ADAMTS16: variants seen among roughly 807,000 people sequenced by gnomAD.
ADAMTS16 encodes the protein ADAM metallopeptidase with thrombospondin type 1 motif 16.
ADAMTS16 carries 94 observed loss-of-function variants against 145.8 expected under a neutral mutation model. The observed-to-expected ratio is 0.64, with a 90% confidence interval of 0.55 to 0.77. The LOEUF (loss-of-function observed/expected upper bound fraction) is 0.77, where lower values mean the gene tolerates loss of function less well. ADAMTS16 is among the 30% of genes least tolerant of loss of function. The pLI is 0.00. For missense variants in ADAMTS16, 1,585 were observed against 1,591.5 expected (o/e 1.00, Z 0.07); for synonymous variants, 659 against 604.3 (o/e 1.09, Z -1.33).
chr5:5,166,843 AAC>A, intron 3 of ADAMTS16, among the ~76,000 whole-genome samples: 1 of 152,218 alleles, frequency 6.6e-6, no homozygotes, highest in East Asian at 1.9e-4. Context: ...TTTTGCAAAG[AAC>A]ACACATGTCA....
chr5:5,287,683 T>C (rs1013126571), intron 18 of ADAMTS16, among the ~76,000 whole-genome samples: 2 of 152,220 alleles, frequency 1.3e-5, no homozygotes, highest in Non-Finnish European at 2.9e-5. Context: ...TCACGGACGG[T>C]GTCAGCTTGC....
intron 10 of ADAMTS16, among the ~76,000 whole-genome samples, chr5:5,210,470 C>G (rs1423653029): frequency 6.6e-6 from 1 of 152,120 alleles, no homozygotes; most frequent in Admixed American, 6.6e-5. Context: ...CAAATGTATT[C>G]TCACATGTTA....
At chr5:5,145,287 A>G (rs989837273) in intron 2 of ADAMTS16, among the ~76,000 whole-genome samples, 1 of 152,230 alleles carries the variant, frequency 6.6e-6, no homozygotes. Context: ...AAACATTGCA[A>G]TACTCAAAGC....
At chr5:5,191,848 C>T in intron 8 of ADAMTS16, 58 bp downstream of exon 8, 1 of 1,304,852 alleles carries the variant, frequency 7.7e-7, no homozygotes, top group Non-Finnish European at 1.1e-6. Flanking sequence ...TGGATGATTT[C>T]CATGGAAATA....
chr5:5,296,353 T>C (rs980938280), intron 18 of ADAMTS16, among the ~76,000 whole-genome samples: 3 of 152,224 alleles, frequency 2.0e-5, no homozygotes, highest in African/African-American at 7.2e-5. Flanking sequence ...AAGCATCTGT[T>C]TTCCTCCGGA....
intron 18 of ADAMTS16, among the ~76,000 whole-genome samples, chr5:5,303,057 C>T (rs2126511213): frequency 6.6e-6 from 1 of 152,236 alleles, no homozygotes; most frequent in East Asian, 1.9e-4. Context: ...GAAAGAATGA[C>T]AGAGCATGAA....
chr5:5,166,913 C>T lies in ADAMTS16; in HGVS notation c.502-15131C>T, dbSNP rs918364690. Among the ~76,000 whole-genome samples the T allele has an allele frequency of 9.9e-5, 15 of 152,202 alleles. 1 individual carries two copies. Among genetic ancestry groups the T allele is most frequent in the South Asian group, 8.3e-4 (4 of 4,830 alleles). On this transcript the variant is annotated intron_variant, in intron 3 of 22. Transcript: ENST00000274181. ...GCATCTCTTCCCTCCGCTGGGCCCACGGCCTTCCCTCCTGTATGCTCACAG... is the reference window on the plus strand; with the variant it reads ...GCATCTCTTCCCTCCGCTGGGCCCATGGCCTTCCCTCCTGTATGCTCACAG...
chr5:5,152,912 G>A (rs988108293), intron 3 of ADAMTS16, among the ~76,000 whole-genome samples: 2 of 152,190 alleles, frequency 1.3e-5, no homozygotes, highest in Non-Finnish European at 2.9e-5. Context: ...CTGGAAGTCT[G>A]TCTTCAATAG....
At chr5:5,233,461 A>C (rs2126372268) in intron 12 of ADAMTS16, among the ~76,000 whole-genome samples, 1 of 152,286 alleles carries the variant, frequency 6.6e-6, no homozygotes, top group African/African-American at 2.4e-5. Context: ...AGTATTCATT[A>C]GTTATTTTTT....
chr5:5,189,015 G>C (rs75120123), intron 6 of ADAMTS16, among the ~76,000 whole-genome samples: 2,948 of 152,256 alleles, frequency 0.019, 90 homozygotes, highest in African/African-American at 0.066. Flanking sequence ...AGAACGCAAG[G>C]CTTGCCCCCG....
chr5:5,153,817 G>A (rs542930468), intron 3 of ADAMTS16, among the ~76,000 whole-genome samples: 1 of 152,278 alleles, frequency 6.6e-6, no homozygotes, highest in African/African-American at 2.4e-5. Flanking sequence ...AAAACATGAT[G>A]TTTGTCAAGG....
intron 3 of ADAMTS16, among the ~76,000 whole-genome samples, chr5:5,172,996 GT>G (rs1471499616): frequency 2.0e-5 from 3 of 151,920 alleles, no homozygotes; most frequent in African/African-American, 7.2e-5. Context: ...TCTTTTTATA[GT>G]TTTTGTCTTG....
Position 5,232,452 on chromosome 5 carries a change from T to A in ADAMTS16, c.1786T>A (p.Ser596Thr). 6.2e-7 allele frequency: 1 copy of A among 1,613,934 alleles called. No homozygotes were observed. The highest frequency in any genetic ancestry group is 8.5e-7 in the Non-Finnish European group (1 of 1,179,978). ...CCACTGGTCGGACTGGTCTTCTTGGTCCCCATGCTCCAGGACCTGCGGAGG... is the reference window on the plus strand; with the variant it reads ...CCACTGGTCGGACTGGTCTTCTTGGACCCCATGCTCCAGGACCTGCGGAGG... ...HGHWSDWSSW[S>T]PCSRTCGGGV... The change falls in exon 12 of 23, where the codon TCC (serine) becomes ACC (threonine). Residue 596 changes from serine (S) to threonine (T), a missense_variant. Physicochemically the swap from Ser to Thr is moderately conservative, Grantham distance 58. This residue lies in a region of ADAMTS16 where 298 missense variants were observed against 367.6 expected (regional missense o/e 0.81). Coordinates refer to ENST00000274181, the MANE Select transcript of ADAMTS16 (RefSeq NM_139056.4).
chr5:5,232,940 C>T (rs953944055), intron 12 of ADAMTS16, among the ~76,000 whole-genome samples: 13 of 152,080 alleles, frequency 8.5e-5, no homozygotes, highest in Admixed American at 2.0e-4. Context: ...TACATATAAT[C>T]GTAAGAAGCA....
At chr5:5,148,900 G>A (rs1317298248) in intron 3 of ADAMTS16, among the ~76,000 whole-genome samples, 1 of 152,090 alleles carries the variant, frequency 6.6e-6, no homozygotes, top group African/African-American at 2.4e-5. Context: ...AGAGGAGGAT[G>A]CCTCTGCGTG....
At chr5:5,243,484 A>G (rs1309475814) in intron 17 of ADAMTS16, among the ~76,000 whole-genome samples, 1 of 152,186 alleles carries the variant, frequency 6.6e-6, no homozygotes, top group East Asian at 1.9e-4. Context: ...TCCTAACCAT[A>G]TGTATTTTTC....
At chr5:5,172,749 T>TA (rs1735075916) in intron 3 of ADAMTS16, among the ~76,000 whole-genome samples, 1 of 152,320 alleles carries the variant, frequency 6.6e-6, no homozygotes, top group East Asian at 1.9e-4. Flanking sequence ...AAATATCTAT[T>TA]AGGTTCATTT....
intron 2 of ADAMTS16, among the ~76,000 whole-genome samples, chr5:5,141,155 A>G (rs1276507929): frequency 6.6e-6 from 1 of 152,010 alleles, no homozygotes; most frequent in Non-Finnish European, 1.5e-5. Flanking sequence ...CCCGTCCCCA[A>G]CCTTTCCTCC....
intron 18 of ADAMTS16, among the ~76,000 whole-genome samples, chr5:5,272,993 T>C (rs968811724): frequency 6.6e-6 from 1 of 152,134 alleles, no homozygotes; most frequent in Non-Finnish European, 1.5e-5. Flanking sequence ...GAAGTAACCA[T>C]GAGGGGCCCT....
Sources: allele counts gnomAD v4.1 joint callset (sites outside exome capture counted in the v4.1 genomes callset), GRCh38; gene constraint gnomAD v4.1.1; regional missense constraint gnomAD v4.1.1; transcripts MANE v1.5; gene names NCBI Gene and HGNC (gene_info 2026-07-23, HGNC 2026-07-21).